COG5: variants seen among roughly 807,000 people sequenced by gnomAD.
COG5 encodes component of oligomeric golgi complex 5.
Under a neutral mutation model 110.4 loss-of-function variants are expected in COG5, and 86 were observed. The ratio of observed to expected loss-of-function variants is 0.78; its 90% CI spans 0.65 to 0.93. COG5 has a LOEUF of 0.93. Ranked by LOEUF, COG5 falls within the 40% of genes least tolerant of loss-of-function variation. The probability of loss-of-function intolerance (pLI) is 0.00; values close to 1 mark genes in which losing one functional copy is unlikely to be tolerated. For missense variants in COG5, 1,077 were observed against 987.0 expected, an observed-to-expected ratio of 1.09 and a Z score of -1.22; for synonymous variants, 360 against 334.6, an observed-to-expected ratio of 1.08 and a Z score of -0.83.
At chr7:107,349,239 A>G (rs747604610) in intron 10 of COG5, among the ~76,000 whole-genome samples, 3 of 152,170 alleles carry the variant, frequency 2.0e-5, no homozygotes, top group Non-Finnish European at 2.9e-5. Flanking sequence ...CATATAGTCA[A>G]TCATGTAATC....
intron 6 of COG5, among the ~76,000 whole-genome samples, chr7:107,446,183 C>T (rs1430010519): frequency 6.6e-6 from 1 of 152,170 alleles, no homozygotes; most frequent in Non-Finnish European, 1.5e-5. Flanking sequence ...ATCTCAAGAT[C>T]CTTAATCTTC....
At chr7:107,260,948 TG>T (rs200314691) in intron 14 of COG5, among the ~76,000 whole-genome samples, 30 of 150,026 alleles carry the variant, frequency 2.0e-4, no homozygotes, top group African/African-American at 6.5e-4. Flanking sequence ...ATAGTTTTTT[TG>T]TTTGTTTGTT....
At chr7:107,294,665 G>T (rs2116885671) in intron 12 of COG5, among the ~76,000 whole-genome samples, 1 of 148,152 alleles carries the variant, frequency 6.7e-6, no homozygotes, top group African/African-American at 2.5e-5. Flanking sequence ...TGTTCCAGCT[G>T]CACTGGCTTC....
At chr7:107,262,142 C>T (rs1681800905) in intron 14 of COG5, among the ~76,000 whole-genome samples, 1 of 152,118 alleles carries the variant, frequency 6.6e-6, no homozygotes, top group Non-Finnish European at 1.5e-5. Flanking sequence ...CCACCTACCT[C>T]AGACTCCCAA....
chr7:107,215,972 G>A (rs774672758), intron 19 of COG5, among the ~76,000 whole-genome samples: 1 of 152,052 alleles, frequency 6.6e-6, no homozygotes, highest in African/African-American at 2.4e-5. Flanking sequence ...GCCTCCCAAA[G>A]TGCTGGGATT....
chr7:107,278,183 C>A (rs1356391633), intron 14 of COG5, among the ~76,000 whole-genome samples: 1 of 152,186 alleles, frequency 6.6e-6, no homozygotes, highest in Non-Finnish European at 1.5e-5. Flanking sequence ...AAAATTCTAG[C>A]TTTCCTTTAT....
intron 10 of COG5, among the ~76,000 whole-genome samples, chr7:107,361,499 A>T (rs1394151789): frequency 6.6e-6 from 1 of 152,218 alleles, no homozygotes; most frequent in African/African-American, 2.4e-5. Flanking sequence ...TACAGAAATT[A>T]ATCTATAAAT....
At chr7:107,207,910 T>C (rs1459224536) in intron 21 of COG5, 1 of 985,322 alleles carries the variant, frequency 1.0e-6, no homozygotes, top group African/African-American at 1.7e-5. Context: ...TGCCCTATTT[T>C]ATGACAACCT....
chr7:107,406,712 T>C (rs915907531), intron 7 of COG5, among the ~76,000 whole-genome samples: 4 of 152,198 alleles, frequency 2.6e-5, no homozygotes, highest in Non-Finnish European at 5.9e-5. Context: ...TTGAAGATAA[T>C]ATTTTGGTTT....
At chr7:107,282,274 A>G (rs77344405) in intron 13 of COG5, among the ~76,000 whole-genome samples, 2,897 of 152,318 alleles carry the variant, frequency 0.019, 94 homozygotes, top group African/African-American at 0.065. Flanking sequence ...CACTAGCATA[A>G]GCATGATTCT....
chr7:107,304,644 GGTCTT>G (rs1807554782), intron 11 of COG5, among the ~76,000 whole-genome samples: 1 of 152,134 alleles, frequency 6.6e-6, no homozygotes, highest in Non-Finnish European at 1.5e-5. Context: ...AGCAATCTTA[GGTCTT>G]GTCTTAGTCT....
intron 14 of COG5, among the ~76,000 whole-genome samples, chr7:107,272,828 C>T (rs1804387146): frequency 6.6e-6 from 1 of 152,150 alleles, no homozygotes; most frequent in Non-Finnish European, 1.5e-5. Flanking sequence ...AGAAAGTACT[C>T]TAAACTGGCA....
At chr7:107,353,620 A>C (rs1230494281) in intron 10 of COG5, among the ~76,000 whole-genome samples, 1 of 152,156 alleles carries the variant, frequency 6.6e-6, no homozygotes, top group Non-Finnish European at 1.5e-5. Flanking sequence ...TCAATTAAAA[A>C]ATAGCTTTCA....
chr7:107,482,276 C>T (rs1052386433), intron 6 of COG5, among the ~76,000 whole-genome samples: 1 of 151,436 alleles, frequency 6.6e-6, no homozygotes, highest in Non-Finnish European at 1.5e-5. Context: ...CTGAGTAGCC[C>T]GGACTACAGG....
intron 11 of COG5, among the ~76,000 whole-genome samples, chr7:107,301,323 G>A (rs776727440): frequency 2.6e-5 from 4 of 151,840 alleles, no homozygotes; most frequent in South Asian, 2.1e-4. Flanking sequence ...GAAAATACAC[G>A]CCCCAGAAAG....
chr7:107,553,926 C>A (rs1258082465), intron 3 of COG5, among the ~76,000 whole-genome samples: 1 of 152,172 alleles, frequency 6.6e-6, no homozygotes, highest in Admixed American at 6.5e-5. Context: ...ATCCTCAGAA[C>A]AATGCTGTGT....
intron 11 of COG5, among the ~76,000 whole-genome samples, chr7:107,304,694 G>A (rs991179012): frequency 2.6e-5 from 4 of 152,180 alleles, no homozygotes; most frequent in Admixed American, 2.0e-4. Flanking sequence ...CCTGTATGAC[G>A]CTGCTTCTCC....
chr7:107,511,406 G>T (rs1206966448), intron 6 of COG5, among the ~76,000 whole-genome samples: 1 of 152,076 alleles, frequency 6.6e-6, no homozygotes, highest in South Asian at 2.1e-4. Context: ...ATAATCAATA[G>T]CTTACCAACC....
chr7:107,215,092 G>T (rs182012227), intron 19 of COG5, among the ~76,000 whole-genome samples: 32 of 151,936 alleles, frequency 2.1e-4, no homozygotes, highest in Non-Finnish European at 1.0e-4. Context: ...GAAATACCCT[G>T]TTATGAGTAT....
Sources: gnomAD v4.1 joint callset for allele counts (sites outside exome capture counted in the v4.1 genomes callset) on GRCh38, gnomAD v4.1.1 for gene constraint, MANE v1.5 for transcripts, NCBI Gene and HGNC (gene_info 2026-07-23, HGNC 2026-07-21) for gene names.